ZNF131: variants seen among roughly 807,000 people sequenced by gnomAD.
The protein encoded by ZNF131 is zinc finger and BTB domain containing 35.
Under a neutral mutation model 60.0 loss-of-function variants are expected in ZNF131, and 7 were observed. That is an observed-to-expected ratio of 0.12 (90% CI 0.07 to 0.22). ZNF131 has a LOEUF of 0.22. ZNF131 is among the 10% of genes least tolerant of loss of function. ZNF131 has a pLI of 1.00. For missense variants in ZNF131, 493 were observed against 740.9 expected, an observed-to-expected ratio of 0.67 and a Z score of 3.88; for synonymous variants, 257 against 253.2, an observed-to-expected ratio of 1.01 and a Z score of -0.14.
At chr5:43,122,750 T>A (rs886104546) in intron 2 of ZNF131, among the ~76,000 whole-genome samples, 2 of 152,242 alleles carry the variant, frequency 1.3e-5, no homozygotes, top group East Asian at 1.9e-4. Context: ...TTTAAAATTA[T>A]GGGTCTACCA....
rs1751398211 is a variant in ZNF131, at chr5:43,174,836, A to G, written c.1575A>G (p.Leu525=). Residue 525 remains leucine, a synonymous_variant, in exon 7 of 7, where the codon CTA becomes CTG. Transcript: ENST00000682664. ...CAGAGCAGGTCCAAGTGAGTTATCTAGAAGTGGGCCGAATTCAGACTGAAG... is the reference window on the plus strand; with the variant it reads ...CAGAGCAGGTCCAAGTGAGTTATCTGGAAGTGGGCCGAATTCAGACTGAAG... ...ELPEQVQVSY[L]EVGRIQTEEG... 2 of 1,614,226 alleles carry G rather than the reference A, an allele frequency of 1.2e-6. No individual in the cohort carries two copies. Among genetic ancestry groups the G allele is most frequent in the East Asian group, 2.2e-5 (1 of 44,888 alleles).
At chr5:43,133,561 T>C (rs1745638003) in intron 3 of ZNF131, among the ~76,000 whole-genome samples, 2 of 152,210 alleles carry the variant, frequency 1.3e-5, no homozygotes, top group Admixed American at 6.5e-5. Context: ...TACTGTGATA[T>C]GAGTGTACAG....
chr5:43,173,547 G>GC, intron 6 of ZNF131, 99 bp downstream of exon 6: 1 of 1,398,080 alleles, frequency 7.2e-7, no homozygotes, highest in Non-Finnish European at 9.5e-7. Flanking sequence ...AGGTATAGGG[G>GC]CTGACGGTTT....
rs115468679 is a variant in ZNF131, at chr5:43,164,910, T to C, written c.1054+2979T>C. ...TTTTAACTTCAACCAATTTCTATAC[T>C]GGTAATTAGTTCCAAGATAGTTGTT... On this transcript the variant is annotated intron_variant, in intron 5 of 6. Coordinates refer to ENST00000682664, the MANE Select transcript of ZNF131 (RefSeq NM_001330707.2). Among the ~76,000 whole-genome samples the C allele has an allele frequency of 5.0e-3, 762 of 152,322 alleles. 7 individuals are homozygous for C. Among genetic ancestry groups the C allele is most frequent in the African/African-American group, 0.018 (731 of 41,576 alleles).
At chr5:43,126,333 T>C (rs935438976) in intron 3 of ZNF131, among the ~76,000 whole-genome samples, 11 of 152,246 alleles carry the variant, frequency 7.2e-5, no homozygotes, top group African/African-American at 2.7e-4. Context: ...ACTGCCTCTG[T>C]GGGCTGTGGA....
chr5:43,156,935 G>C lies in ZNF131; in HGVS notation c.372-4314G>C, dbSNP rs149551444. On this transcript the variant is annotated intron_variant, in intron 4 of 6. Coordinates refer to ENST00000682664, the MANE Select transcript of ZNF131 (RefSeq NM_001330707.2). ...GGACATTGCTGCCCTGTTGTTATTCGTTTGCCTGGTTTTAACATAAAGGTT... is the reference window on the plus strand; with the variant it reads ...GGACATTGCTGCCCTGTTGTTATTCCTTTGCCTGGTTTTAACATAAAGGTT... Among the ~76,000 whole-genome samples, 10 of 151,824 alleles carry C rather than the reference G, an allele frequency of 6.6e-5. No individual in the cohort carries two copies. The South Asian group carries it at 2.1e-3, about 32-fold the overall frequency.
chr5:43,174,926 A>G lies in ZNF131; in HGVS notation c.1665A>G (p.Val555=). 1.9e-6 allele frequency: 3 copies of G among 1,614,162 alleles called. No individual in the cohort carries two copies. The highest frequency in any genetic ancestry group is 2.5e-6 in the Non-Finnish European group (3 of 1,180,020). ...VERVNQMPVE[V]QTELLEADLD... ...GGGTCAATCAAATGCCAGTGGAAGTACAAACTGAACTTCTAGAAGCAGATT... is the reference window on the plus strand; with the variant it reads ...GGGTCAATCAAATGCCAGTGGAAGTGCAAACTGAACTTCTAGAAGCAGATT... The change falls in exon 7 of 7, where the codon GTA becomes GTG. Residue 555 remains valine, a synonymous_variant. Coordinates refer to ENST00000682664, the MANE Select transcript of ZNF131 (RefSeq NM_001330707.2).
At chr5:43,166,858 C>A (rs1321622677) in intron 5 of ZNF131, among the ~76,000 whole-genome samples, 2 of 152,050 alleles carry the variant, frequency 1.3e-5, no homozygotes, top group Non-Finnish European at 2.9e-5. Context: ...CGGGGTTTCA[C>A]CATCTTGGCC....
intron 3 of ZNF131, among the ~76,000 whole-genome samples, chr5:43,133,775 ACT>A (rs1745666261): frequency 1.3e-5 from 2 of 152,162 alleles, no homozygotes; most frequent in Non-Finnish European, 1.5e-5. Context: ...GATATTAATA[ACT>A]CCCACATGCT....
At chr5:43,132,854 A>G (rs1266977934) in intron 3 of ZNF131, among the ~76,000 whole-genome samples, 1 of 152,152 alleles carries the variant, frequency 6.6e-6, no homozygotes, top group African/African-American at 2.4e-5. Context: ...TGCTTTGAAC[A>G]CTTAAATGAT....
chr5:43,154,182 T>G (rs891055405), intron 4 of ZNF131, among the ~76,000 whole-genome samples: 1 of 151,750 alleles, frequency 6.6e-6, no homozygotes, highest in African/African-American at 2.4e-5. Context: ...GAGGCTGAGG[T>G]GGGCAGATTG....
chr5:43,132,362 G>A (rs541424938), intron 3 of ZNF131, among the ~76,000 whole-genome samples: 1 of 152,120 alleles, frequency 6.6e-6, no homozygotes, highest in East Asian at 1.9e-4. Context: ...TATATTTTAT[G>A]GTGTTTCTCA....
intron 3 of ZNF131, among the ~76,000 whole-genome samples, chr5:43,131,920 T>A (rs1194176875): frequency 6.6e-6 from 1 of 152,156 alleles, no homozygotes; most frequent in Non-Finnish European, 1.5e-5. Context: ...AAGTTTGAAG[T>A]TTTTATCCTG....
At chr5:43,147,738 A>G (rs1344553872) in intron 4 of ZNF131, among the ~76,000 whole-genome samples, 1 of 151,354 alleles carries the variant, frequency 6.6e-6, no homozygotes. Flanking sequence ...AAGTTTAAAA[A>G]AAAAAAAAAC....
intron 2 of ZNF131, 92 bp downstream of exon 2, chr5:43,122,269 T>TAA: frequency 2.7e-6 from 3 of 1,096,112 alleles, no homozygotes; most frequent in Non-Finnish European, 3.8e-6. Context: ...TTTTTTTTTT[T>TAA]AACCCATCCT....
chr5:43,164,139 G>T (rs769166471), intron 5 of ZNF131, among the ~76,000 whole-genome samples: 19 of 152,172 alleles, frequency 1.2e-4, no homozygotes, highest in Non-Finnish European at 2.4e-4. Flanking sequence ...TTTGAACAAC[G>T]TGGGTTTGAA....
At chr5:43,164,471 T>C (rs1378034716) in intron 5 of ZNF131, among the ~76,000 whole-genome samples, 1 of 152,372 alleles carries the variant, frequency 6.6e-6, no homozygotes, top group East Asian at 1.9e-4. Flanking sequence ...ATTGTTGTTA[T>C]ACCAGCAGCA....
chr5:43,155,488 A>G (rs1482482201), intron 4 of ZNF131, among the ~76,000 whole-genome samples: 2 of 152,226 alleles, frequency 1.3e-5, no homozygotes, highest in South Asian at 2.1e-4. Context: ...GCTCTAATCT[A>G]CAAAAGCATC....
chr5:43,142,756 A>G (rs539973072), intron 4 of ZNF131, among the ~76,000 whole-genome samples: 90 of 151,810 alleles, frequency 5.9e-4, no homozygotes, highest in Middle Eastern at 3.4e-3. Context: ...CAGTGGCACA[A>G]TCTCAGCTCA....
Sources: allele counts gnomAD v4.1 joint callset (sites outside exome capture counted in the v4.1 genomes callset), GRCh38; gene constraint gnomAD v4.1.1; transcripts MANE v1.5; gene names NCBI Gene and HGNC (gene_info 2026-07-23, HGNC 2026-07-21).